CNTN4: variants seen among roughly 807,000 people sequenced by gnomAD.
The protein encoded by CNTN4 is contactin-4.
A neutral mutation model predicts 122.5 loss-of-function variants in CNTN4; 77 were observed. The observed-to-expected ratio is 0.63, with a 90% CI of 0.52 to 0.76. The LOEUF (loss-of-function observed/expected upper bound fraction) is 0.76, where lower values mean the gene tolerates loss of function less well. Ranked by LOEUF, CNTN4 falls within the 30% of genes least tolerant of loss-of-function variation. CNTN4 has a pLI of 0.00. For missense variants in CNTN4, 1,256 were observed against 1,259.1 expected, an observed-to-expected ratio of 1.00 and a Z score of 0.04; for synonymous variants, 512 against 447.0, an observed-to-expected ratio of 1.15 and a Z score of -1.83.
At chr3:2,564,429 A>T (rs1230356618) in intron 3 of CNTN4, among the ~76,000 whole-genome samples, 1 of 152,176 alleles carries the variant, frequency 6.6e-6, no homozygotes, top group Admixed American at 6.5e-5. Flanking sequence ...AAGATGATAT[A>T]ATCCGAAAAA....
intron 7 of CNTN4, among the ~76,000 whole-genome samples, chr3:2,842,606 G>C (rs537899422): frequency 6.6e-6 from 1 of 151,970 alleles, no homozygotes; most frequent in East Asian, 1.9e-4. Flanking sequence ...TCTCTTTCAC[G>C]GACTCTTACC....
chr3:2,252,609 C>T (rs2040421518), intron 2 of CNTN4, among the ~76,000 whole-genome samples: 1 of 151,948 alleles, frequency 6.6e-6, no homozygotes, highest in South Asian at 2.1e-4. Context: ...TTAGTTTGTC[C>T]TGTCTGGGGG....
Position 2,624,318 on chromosome 3 carries a change from T to A in CNTN4, c.55+52760T>A, listed in dbSNP as rs78532033. Among the ~76,000 whole-genome samples the A allele has an allele frequency of 3.7e-4, 57 of 152,276 alleles. No individual in the cohort carries two copies. The East Asian group carries it at 0.011, about 29-fold the overall frequency. ...CTTATGGTCGATATGCTGTTTTTAA[T>A]GTTAGGTGAGATTCAGCTTTTTAAG... On this transcript the variant is annotated intron_variant, in intron 4 of 24. Transcript: ENST00000418658.
intron 4 of CNTN4, among the ~76,000 whole-genome samples, chr3:2,651,174 T>G (rs1036615423): frequency 1.3e-5 from 2 of 152,208 alleles, no homozygotes; most frequent in East Asian, 3.9e-4. Context: ...GAGTGGCCAT[T>G]GCAGTCTATT....
At chr3:2,827,427 G>C (rs774761827) in intron 7 of CNTN4, among the ~76,000 whole-genome samples, 1 of 152,184 alleles carries the variant, frequency 6.6e-6, no homozygotes, top group African/African-American at 2.4e-5. Context: ...ATTAGGCTGG[G>C]TTTGATTGTT....
chr3:2,335,206 T>A (rs2043896581), intron 2 of CNTN4, among the ~76,000 whole-genome samples: 1 of 152,158 alleles, frequency 6.6e-6, no homozygotes, highest in Admixed American at 6.5e-5. Flanking sequence ...TATTTTCACA[T>A]GTGATTTTAT....
At chr3:2,455,340 C>T (rs1462251139) in intron 3 of CNTN4, among the ~76,000 whole-genome samples, 5 of 152,046 alleles carry the variant, frequency 3.3e-5, no homozygotes, top group Non-Finnish European at 4.4e-5. Context: ...GAACTGTTAC[C>T]ACCACTTTGG....
At chr3:2,284,490 A>G (rs1473125210) in intron 2 of CNTN4, among the ~76,000 whole-genome samples, 2 of 152,062 alleles carry the variant, frequency 1.3e-5, no homozygotes, top group East Asian at 1.9e-4. Flanking sequence ...CTTTTTTGAA[A>G]TGAATCTTAT....
chr3:2,898,690 C>G lies in CNTN4; in HGVS notation c.941-1995C>G, dbSNP rs1361192809. Among the ~76,000 whole-genome samples, 5 of 152,202 alleles carry G rather than the reference C, an allele frequency of 3.3e-5. 1 individual carries two copies. Among genetic ancestry groups the G allele is most frequent in the Admixed American group, 3.3e-4 (5 of 15,270 alleles). On this transcript the variant is annotated intron_variant, in intron 10 of 24. Transcript: ENST00000418658. ...TTGATGTTTCCTTTTTGAACTTCAACTTGACATTGCTTCATAAGTTACATT... is the reference window on the plus strand; with the variant it reads ...TTGATGTTTCCTTTTTGAACTTCAAGTTGACATTGCTTCATAAGTTACATT...
At chr3:2,708,426 G>A (rs185279315) in intron 4 of CNTN4, among the ~76,000 whole-genome samples, 3 of 152,254 alleles carry the variant, frequency 2.0e-5, no homozygotes, top group Admixed American at 6.5e-5. Context: ...AAGGATTACC[G>A]TAAGAGACTC....
chr3:2,409,288 C>CTGGAGTGCAGTG (rs2047147557), intron 3 of CNTN4, among the ~76,000 whole-genome samples: 1 of 148,860 alleles, frequency 6.7e-6, no homozygotes, highest in South Asian at 2.1e-4. Context: ...CGCTCTGTCG[C>CTGGAGTGCAGTG]CCAGGCTGGA....
intron 3 of CNTN4, among the ~76,000 whole-genome samples, chr3:2,499,539 G>A (rs1347858269): frequency 6.6e-6 from 1 of 151,902 alleles, no homozygotes. Context: ...TTAAAACTTG[G>A]GTGGATTTGT....
intron 23 of CNTN4, among the ~76,000 whole-genome samples, chr3:3,044,925 C>T (rs1042227291): frequency 1.3e-5 from 2 of 152,208 alleles, no homozygotes; most frequent in African/African-American, 2.4e-5. Context: ...ACTAATACTG[C>T]GCTTTTCCAA....
intron 4 of CNTN4, among the ~76,000 whole-genome samples, chr3:2,574,912 G>C (rs532593804): frequency 2.6e-5 from 4 of 151,800 alleles, no homozygotes; most frequent in African/African-American, 9.7e-5. Flanking sequence ...ATTTAAATTG[G>C]TTTTAAAAGT....
At chr3:2,705,748 T>C (rs1359033134) in intron 4 of CNTN4, among the ~76,000 whole-genome samples, 3 of 102,348 alleles carry the variant, frequency 2.9e-5, no homozygotes, top group Admixed American at 1.5e-4. Context: ...ATATATATGA[T>C]ATATAATATA....
chr3:2,954,937 T>C (rs1343714684), intron 13 of CNTN4, among the ~76,000 whole-genome samples: 1 of 152,132 alleles, frequency 6.6e-6, no homozygotes, highest in Non-Finnish European at 1.5e-5. Flanking sequence ...TTAACCGTAG[T>C]CTCATTCCCT....
intron 2 of CNTN4, among the ~76,000 whole-genome samples, chr3:2,215,581 C>T (rs1239144120): frequency 6.6e-6 from 1 of 152,086 alleles, no homozygotes; most frequent in Non-Finnish European, 1.5e-5. Flanking sequence ...TTCCTACCAA[C>T]AGTGTTAAGA....
chr3:2,622,023 G>A (rs1364827634), intron 4 of CNTN4, among the ~76,000 whole-genome samples: 1 of 152,108 alleles, frequency 6.6e-6, no homozygotes, highest in Non-Finnish European at 1.5e-5. Context: ...TCACATTAAG[G>A]GATCCTTTTC....
At chr3:2,837,174 CTG>C (rs201927084) in intron 7 of CNTN4, among the ~76,000 whole-genome samples, 2,365 of 152,250 alleles carry the variant, frequency 0.016, 68 homozygotes, top group African/African-American at 0.055. Flanking sequence ...ACATGGTTCT[CTG>C]TTGTTAATTA....
Sources: allele counts gnomAD v4.1 joint callset (sites outside exome capture counted in the v4.1 genomes callset), GRCh38; gene constraint gnomAD v4.1.1; transcripts MANE v1.5; gene names NCBI Gene and HGNC (gene_info 2026-07-23, HGNC 2026-07-21).